Variants in BMP5 observed in about 807,000 individuals in gnomAD.
BMP5 encodes bone morphogenetic protein 5.
BMP5 carries 23 observed loss-of-function variants against 46.6 expected under a neutral mutation model. The observed-to-expected ratio is 0.49, with a 90% CI of 0.35 to 0.70. The LOEUF (loss-of-function observed/expected upper bound fraction) is 0.70, where lower values mean the gene tolerates loss of function less well. Among genes scored for constraint, BMP5 ranks in the 30% least tolerant of loss-of-function variants. BMP5 has a pLI of 0.00. For missense variants in BMP5, 545 were observed against 565.6 expected (o/e 0.96, Z 0.37); for synonymous variants, 204 against 191.9 (o/e 1.06, Z -0.52).
intron 1 of BMP5, among the ~76,000 whole-genome samples, chr6:55,820,724 G>T (rs1026626362): frequency 8.8e-6 from 1 of 114,218 alleles, no homozygotes. Context: ...CGTGTTGTTT[G>T]TTTGTTTGTT....
At chr6:55,772,943 G>A (rs898323547) in intron 4 of BMP5, 15 of 984,004 alleles carry the variant, frequency 1.5e-5, no homozygotes, top group Middle Eastern at 5.2e-4. Context: ...AATAAAGGTC[G>A]TCATCTATTT....
intron 3 of BMP5, among the ~76,000 whole-genome samples, chr6:55,791,444 G>T (rs1775570445): frequency 6.6e-6 from 1 of 152,108 alleles, no homozygotes; most frequent in South Asian, 2.1e-4. Context: ...GCAACAAAAG[G>T]CTGTATATTT....
In BMP5 at chr6:55,811,767, T is replaced by G. The variant is rs531259649; in HGVS notation, c.683+7888A>C. On this transcript the variant is annotated intron_variant, in intron 2 of 6. Coordinates refer to ENST00000370830, the MANE Select transcript of BMP5 (RefSeq NM_021073.4). Reference sequence around the variant, plus strand: ...GCCTATGGAAACTTCCTACTCTTCTTGAAAAGTTCAGCTCAATAGTGAACT... The same window carrying G: ...GCCTATGGAAACTTCCTACTCTTCTGGAAAAGTTCAGCTCAATAGTGAACT... 3.3e-5 allele frequency among the ~76,000 whole-genome samples: 5 copies of G among 152,152 alleles called. No individual in the cohort carries two copies. In the East Asian group the frequency reaches 9.7e-4, roughly 29 times the overall value.
intron 1 of BMP5, among the ~76,000 whole-genome samples, chr6:55,827,258 G>C (rs1776554563): frequency 6.6e-6 from 1 of 151,748 alleles, no homozygotes; most frequent in Admixed American, 6.6e-5. Flanking sequence ...AAAATTCTAA[G>C]AGGAAGGGTT....
chr6:55,855,664 T>C lies in BMP5; in HGVS notation c.490+18712A>G, dbSNP rs533587593. On this transcript the variant is annotated intron_variant, in intron 1 of 6. Coordinates refer to ENST00000370830, the MANE Select transcript of BMP5 (RefSeq NM_021073.4). ...TCCTTTTAGGATTTCATGGAGTATG[T>C]TTAATCAGATGCTTAATTTATTAAT... 1.1e-4 allele frequency among the ~76,000 whole-genome samples: 17 copies of C among 152,300 alleles called. No homozygotes were observed. The South Asian group carries it at 2.9e-3, about 26-fold the overall frequency.
At chr6:55,824,170 C>T (rs527919726) in intron 1 of BMP5, among the ~76,000 whole-genome samples, 1 of 151,754 alleles carries the variant, frequency 6.6e-6, no homozygotes, top group Non-Finnish European at 1.5e-5. Context: ...CACATTGTGA[C>T]AAATTTGGCA....
chr6:55,856,224 T>C (rs776957784), intron 1 of BMP5, among the ~76,000 whole-genome samples: 19 of 152,202 alleles, frequency 1.2e-4, no homozygotes, highest in Non-Finnish European at 2.4e-4. Flanking sequence ...GTTCTCCCCT[T>C]TTAATGTTGC....
intron 4 of BMP5, among the ~76,000 whole-genome samples, chr6:55,768,114 T>A (rs755621094): frequency 6.6e-6 from 1 of 152,106 alleles, no homozygotes; most frequent in South Asian, 2.1e-4. Context: ...AATTATATAA[T>A]ATAAAACATT....
chr6:55,851,993 C>T (rs932252498), intron 1 of BMP5, among the ~76,000 whole-genome samples: 7 of 152,026 alleles, frequency 4.6e-5, no homozygotes, highest in Non-Finnish European at 1.5e-5. Context: ...ATTGTATTAG[C>T]CCAAATTTTC....
intron 4 of BMP5, among the ~76,000 whole-genome samples, chr6:55,771,685 G>A (rs1442483894): frequency 6.6e-6 from 1 of 151,654 alleles, no homozygotes; most frequent in African/African-American, 2.4e-5. Flanking sequence ...GAAATGACTT[G>A]GGTTTTAATT....
At chr6:55,854,773 A>C (rs1381442808) in intron 1 of BMP5, among the ~76,000 whole-genome samples, 3 of 152,176 alleles carry the variant, frequency 2.0e-5, no homozygotes, top group Non-Finnish European at 2.9e-5. Context: ...TCAATTGATA[A>C]AGACAAATGA....
chr6:55,842,847 T>A (rs1278767963), intron 1 of BMP5, among the ~76,000 whole-genome samples: 1 of 152,158 alleles, frequency 6.6e-6, no homozygotes, highest in Non-Finnish European at 1.5e-5. Context: ...AAAATTAATC[T>A]ACCACAGGCA....
chr6:55,821,339 T>C (rs1186491959), intron 1 of BMP5, among the ~76,000 whole-genome samples: 1 of 152,142 alleles, frequency 6.6e-6, no homozygotes, highest in Non-Finnish European at 1.5e-5. Context: ...TCTCAGAATC[T>C]AAAGCAGGCA....
chr6:55,806,875 A>C (rs1399054256), intron 2 of BMP5, among the ~76,000 whole-genome samples: 1 of 151,756 alleles, frequency 6.6e-6, no homozygotes, highest in Non-Finnish European at 1.5e-5. Flanking sequence ...CTGCTTGTCT[A>C]TTATTGGTGT....
rs201607023 is a variant in BMP5, at chr6:55,773,581, A to AT, written c.1027+467dup. On this transcript the variant is annotated intron_variant, in intron 4 of 6. Transcript: ENST00000370830. ...AGTCCTCCAAATAATGAAAAGGTAA[A>AT]TATTTTAATCATTGTCTTCTTATGT... is the stretch of plus-strand genomic sequence containing the variant. Among the ~76,000 whole-genome samples the AT allele has an allele frequency of 1.4e-3, 218 of 151,980 alleles. 4 individuals carry two copies. The highest frequency in any genetic ancestry group is 9.6e-3 in the Admixed American group (146 of 15,204).
chr6:55,871,268 AT>A (rs1443388014), intron 1 of BMP5, among the ~76,000 whole-genome samples: 1 of 151,930 alleles, frequency 6.6e-6, no homozygotes, highest in African/African-American at 2.4e-5. Flanking sequence ...TAACAAAATA[AT>A]ATTATATTGA....
At chr6:55,826,731 G>T (rs935214451) in intron 1 of BMP5, among the ~76,000 whole-genome samples, 18 of 151,460 alleles carry the variant, frequency 1.2e-4, no homozygotes, top group Non-Finnish European at 1.6e-4. Context: ...ATTAATTAAT[G>T]AAGGAGTTAA....
At chr6:55,780,616 A>G (rs1401018237) in intron 3 of BMP5, among the ~76,000 whole-genome samples, 1 of 152,104 alleles carries the variant, frequency 6.6e-6, no homozygotes, top group Non-Finnish European at 1.5e-5. Context: ...TAAAGTGTTG[A>G]CATTCTTTCT....
intron 4 of BMP5, among the ~76,000 whole-genome samples, chr6:55,767,366 G>A (rs146265987): frequency 2.8e-3 from 425 of 152,026 alleles, no homozygotes; most frequent in African/African-American, 9.9e-3. Context: ...AGCATTTGCC[G>A]TGTACCACTA....
Sources: allele counts gnomAD v4.1 joint callset (sites outside exome capture counted in the v4.1 genomes callset), GRCh38; gene constraint gnomAD v4.1.1; transcripts MANE v1.5; gene names NCBI Gene and HGNC (gene_info 2026-07-23, HGNC 2026-07-21).